The following AGMO variants were observed in gnomAD, a reference collection of about 807,000 sequenced individuals.
AGMO encodes alkylglycerol monooxygenase.
Under a neutral mutation model 60.2 loss-of-function variants are expected in AGMO, and 75 were observed. That is an observed-to-expected ratio of 1.25 (90% CI 1.03 to 1.51). The LOEUF (loss-of-function observed/expected upper bound fraction) is 1.51. Among genes scored for constraint, AGMO ranks in the 40% most tolerant of loss-of-function variants. The pLI is 0.00. For missense variants in AGMO, 763 were observed against 525.5 expected (o/e 1.45, Z -4.42); for synonymous variants, 261 against 177.1 (o/e 1.47, Z -3.76).
At chr7:15,492,195 T>C (rs1783084565) in intron 3 of AGMO, among the ~76,000 whole-genome samples, 1 of 152,128 alleles carries the variant, frequency 6.6e-6, no homozygotes, top group Admixed American at 6.5e-5. Context: ...ATAACACAGC[T>C]AGAATCTAAT....
intron 12 of AGMO, among the ~76,000 whole-genome samples, chr7:15,274,168 G>C (rs777930896): frequency 6.6e-6 from 1 of 152,154 alleles, no homozygotes; most frequent in African/African-American, 2.4e-5. Flanking sequence ...TGTTGAAAAG[G>C]AGTGGTGAGA....
intron 3 of AGMO, among the ~76,000 whole-genome samples, chr7:15,480,117 G>T (rs1296119700): frequency 1.3e-5 from 2 of 152,098 alleles, no homozygotes; most frequent in Non-Finnish European, 2.9e-5. Flanking sequence ...GAAATAAAAG[G>T]CATAGAAGAA....
rs71004370 is a variant in AGMO at position 15,202,458 on chromosome 7, C to CAAAAAAAAAAAAAAAAAAAAAAAAAA, written c.1264-1125_1264-1100dup. Reference sequence around the variant, plus strand: ...CACCAACAACCAAAATACAAATGAGCAAAAAAAAAAAAAAAAAAAAAAAAA... The same window carrying CAAAAAAAAAAAAAAAAAAAAAAAAAA: ...CACCAACAACCAAAATACAAATGAGCAAAAAAAAAAAAAAAAAAAAAAAAAAAAAAAAAAAAAAAAAAAAAAAAAAA... On this transcript the variant is annotated intron_variant, in intron 12 of 12. Coordinates refer to ENST00000342526, the MANE Select transcript of AGMO (RefSeq NM_001004320.2). Among the ~76,000 whole-genome samples the CAAAAAAAAAAAAAAAAAAAAAAAAAA allele has an allele frequency of 7.5e-4, 34 of 45,366 alleles. 1 individual carries two copies. The highest frequency in any genetic ancestry group is 2.2e-3 in the East Asian group (2 of 914). 29.8% of individuals were successfully genotyped at this position (45,366 alleles called of 152,430 possible). A position where few individuals can be genotyped will look rare whatever the true frequency, so the allele number is the denominator to read the frequency against.
chr7:15,193,003 C>CT, the AGMO span, among the ~76,000 whole-genome samples: 1 of 152,176 alleles, frequency 6.6e-6, no homozygotes, highest in Non-Finnish European at 1.5e-5. Flanking sequence ...TCACTTCTAT[C>CT]TTTAATAGCA....
intron 12 of AGMO, among the ~76,000 whole-genome samples, chr7:15,239,773 A>G (rs763184292): frequency 3.3e-5 from 5 of 152,132 alleles, no homozygotes; most frequent in Non-Finnish European, 5.9e-5. Flanking sequence ...TATTAAGTAC[A>G]CTTACATATT....
intron 2 of AGMO, among the ~76,000 whole-genome samples, chr7:15,558,857 G>A (rs1440701799): frequency 6.6e-6 from 1 of 151,848 alleles, no homozygotes; most frequent in Non-Finnish European, 1.5e-5. Flanking sequence ...ATCCACCTTA[G>A]CTTCCCACTG....
At chr7:15,545,495 T>TACACACAC (rs951406795) in intron 2 of AGMO, among the ~76,000 whole-genome samples, 1 of 151,620 alleles carries the variant, frequency 6.6e-6, no homozygotes, top group Non-Finnish European at 1.5e-5. Context: ...CACACACACA[T>TACACACAC]ACACACACAT....
At chr7:15,490,008 G>A (rs886645282) in intron 3 of AGMO, among the ~76,000 whole-genome samples, 6 of 152,268 alleles carry the variant, frequency 3.9e-5, no homozygotes, top group Admixed American at 3.9e-4. Context: ...CCTTCTCCGT[G>A]CACATGGCAC....
At chr7:15,481,612 G>A (rs529482606) in intron 3 of AGMO, among the ~76,000 whole-genome samples, 1 of 151,954 alleles carries the variant, frequency 6.6e-6, no homozygotes, top group Non-Finnish European at 1.5e-5. Flanking sequence ...ATAGATAAAT[G>A]TATATTCAGA....
intron 12 of AGMO, among the ~76,000 whole-genome samples, chr7:15,246,783 C>CTT (rs1270202682): frequency 7.9e-5 from 12 of 152,144 alleles, no homozygotes; most frequent in African/African-American, 2.4e-4. Flanking sequence ...TTTCATCCTG[C>CTT]TTCTAGCTAG....
At chr7:15,123,712 T>G in the AGMO span, among the ~76,000 whole-genome samples, 1 of 152,008 alleles carries the variant, frequency 6.6e-6, no homozygotes. Context: ...TTGAGCCTGG[T>G]CATTATGCTT....
intron 3 of AGMO, among the ~76,000 whole-genome samples, chr7:15,530,812 TA>T (rs1784296091): frequency 9.3e-6 from 1 of 107,570 alleles, no homozygotes; most frequent in Admixed American, 1.2e-4. Flanking sequence ...ATATATTCTA[TA>T]TATACATTTC....
chr7:15,211,503 ATTTG>A (rs1381514680), intron 12 of AGMO, among the ~76,000 whole-genome samples: 5 of 151,946 alleles, frequency 3.3e-5, no homozygotes, highest in Non-Finnish European at 5.9e-5. Context: ...TGGATTGATC[ATTTG>A]TTTGGAGTAT....
intron 4 of AGMO, among the ~76,000 whole-genome samples, chr7:15,430,031 GACTGAA>G (rs1781182078): frequency 6.6e-6 from 1 of 151,844 alleles, no homozygotes; most frequent in Non-Finnish European, 1.5e-5. Flanking sequence ...TTAGTGGTGT[GACTGAA>G]CTATAGACTC....
At chr7:15,274,721 A>G (rs1300018013) in intron 12 of AGMO, among the ~76,000 whole-genome samples, 2 of 147,586 alleles carry the variant, frequency 1.4e-5, no homozygotes, top group Admixed American at 6.8e-5. Context: ...AGATTTTTTC[A>G]TTACTGATTC....
At chr7:15,384,105 T>C (rs946227471) in intron 10 of AGMO, among the ~76,000 whole-genome samples, 3 of 151,992 alleles carry the variant, frequency 2.0e-5, no homozygotes, top group Non-Finnish European at 4.4e-5. Flanking sequence ...TGGCTACTTA[T>C]TTTTGTATTT....
In AGMO at chr7:15,332,913, T is replaced by G. The variant is rs140773116; in HGVS notation, c.1263+32601A>C. Among the ~76,000 whole-genome samples the G allele has an allele frequency of 5.5e-3, 833 of 152,270 alleles. 12 individuals are homozygous for G. The highest frequency in any genetic ancestry group is 0.019 in the African/African-American group (776 of 41,544). On this transcript the variant is annotated intron_variant, in intron 12 of 12. Coordinates refer to ENST00000342526, the MANE Select transcript of AGMO (RefSeq NM_001004320.2). ...CAGTATATTGCATTATGGTATACAT[T>G]TCATGATGCTTCCTGGGCATATGAA... is the stretch of plus-strand genomic sequence containing the variant.
chr7:15,352,720 C>G (rs1312156587), intron 12 of AGMO, among the ~76,000 whole-genome samples: 1 of 151,746 alleles, frequency 6.6e-6, no homozygotes, highest in South Asian at 2.1e-4. Flanking sequence ...CGTTGACGGT[C>G]TGCCAAATAT....
intron 5 of AGMO, among the ~76,000 whole-genome samples, chr7:15,416,933 C>T (rs538382292): frequency 1.5e-4 from 23 of 152,262 alleles, no homozygotes; most frequent in African/African-American, 5.3e-4. Context: ...TTCCATTTGT[C>T]TTTCTCTCCA....
Sources: gnomAD v4.1 joint callset for allele counts (sites outside exome capture counted in the v4.1 genomes callset) on GRCh38, gnomAD v4.1.1 for gene constraint, MANE v1.5 for transcripts, NCBI Gene and HGNC (gene_info 2026-07-23, HGNC 2026-07-21) for gene names.